Variants in PCDH10 observed in about 807,000 individuals in gnomAD.
The protein encoded by PCDH10 is protocadherin-10.
A neutral mutation model predicts 74.4 loss-of-function variants in PCDH10; 15 were observed. The ratio of observed to expected loss-of-function variants is 0.20; its 90% CI spans 0.13 to 0.31. PCDH10 has a LOEUF of 0.31. Among genes scored for constraint, PCDH10 ranks in the 10% least tolerant of loss-of-function variants. The probability of loss-of-function intolerance (pLI) is 1.00; values close to 1 mark genes in which losing one functional copy is unlikely to be tolerated. For synonymous variants in PCDH10, 619 were observed against 589.8 expected, an observed-to-expected ratio of 1.05 and a Z score of -0.72; for missense variants, 1,260 against 1,390.2, an observed-to-expected ratio of 0.91 and a Z score of 1.49.
intron 4 of PCDH10, among the ~76,000 whole-genome samples, chr4:133,169,546 C>T (rs1174133861): frequency 6.6e-6 from 1 of 151,824 alleles, no homozygotes; most frequent in Non-Finnish European, 1.5e-5. Context: ...TTTTCATCCT[C>T]TTTCTTATTT....
chr4:133,167,730 T>G (rs1727116764), intron 4 of PCDH10, among the ~76,000 whole-genome samples: 1 of 151,586 alleles, frequency 6.6e-6, no homozygotes, highest in African/African-American at 2.4e-5. Context: ...TTTATATACA[T>G]ACAGATTGGT....
rs185654672 is a variant in PCDH10 at position 133,190,169 on chromosome 4, A to G, written c.*9A>G. 2.7e-5 allele frequency: 43 copies of G among 1,609,978 alleles called. No individual in the cohort carries two copies. In the East Asian group the frequency reaches 4.2e-4, roughly 16 times the overall value. On this transcript the variant is annotated 3_prime_UTR_variant, in exon 5 of 5. Coordinates refer to ENST00000264360, the MANE Select transcript of PCDH10 (RefSeq NM_032961.3). ...GGAAAAGGATATGCTAGTCAATTCT[A>G]CAGGACTTACCTGAAGCAGCATGAT...
At chr4:133,163,885 G>T (rs1170853358) in intron 4 of PCDH10, 2 of 438,742 alleles carry the variant, frequency 4.6e-6, no homozygotes, top group Admixed American at 5.3e-5. Context: ...AAAACTTAAA[G>T]GAAAAAAACA....
chr4:133,163,476 A>T (rs937625508), intron 4 of PCDH10, among the ~76,000 whole-genome samples, 194 bp downstream of exon 4: 7 of 152,150 alleles, frequency 4.6e-5, no homozygotes, highest in Non-Finnish European at 8.8e-5. Flanking sequence ...AGACATTAAT[A>T]ATTGCACTGA....
In PCDH10 at chr4:133,191,541, T is replaced by C. The variant is rs1278956441; in HGVS notation, c.*1381T>C. ...AAGTTAAGCTTGCCTTTTACTTTTA[T>C]GTCAACAATATTAATTATTAAATTT... On this transcript the variant is annotated 3_prime_UTR_variant, in exon 5 of 5. Coordinates refer to ENST00000264360, the MANE Select transcript of PCDH10 (RefSeq NM_032961.3). 1.3e-5 allele frequency: 2 copies of C among 152,196 alleles called. No homozygotes were observed. The highest frequency in any genetic ancestry group is 2.4e-5 in the African/African-American group (1 of 41,422). 9.4% of individuals were successfully genotyped at this position (152,196 alleles called of 1,614,324 possible). A position where few individuals can be genotyped will look rare whatever the true frequency, so the allele number is the denominator to read the frequency against.
rs1171674600 is a variant in PCDH10, at chr4:133,192,812, C to T, written c.*2652C>T. On this transcript the variant is annotated 3_prime_UTR_variant, in exon 5 of 5. Transcript: ENST00000264360. The stretch of plus-strand genomic sequence containing the variant: ...TGTAAGTTGGTTAAAATGTTTTCTT[C>T]CAATGAGGGGGACTATAAAATGGAA... 6.6e-6 allele frequency: 1 copy of T among 151,406 alleles called. No homozygotes were observed. The highest frequency in any genetic ancestry group is 2.4e-5 in the African/African-American group (1 of 41,334). The allele number at this position is 151,406 out of a possible 1,614,324, so 9.4% of individuals were successfully genotyped here.
chr4:133,163,402 C>T (rs988569015), intron 4 of PCDH10, 120 bp downstream of exon 4: 69 of 836,374 alleles, frequency 8.2e-5, no homozygotes, highest in Middle Eastern at 3.6e-4. Flanking sequence ...ATAAAAGTGA[C>T]TGGATGCTGG....
At chr4:133,173,522 G>C (rs146555456) in intron 4 of PCDH10, among the ~76,000 whole-genome samples, 1 of 151,894 alleles carries the variant, frequency 6.6e-6, no homozygotes, top group African/African-American at 2.4e-5. Context: ...GAAATATCAC[G>C]TTCTAGCTGT....
chr4:133,152,951 T>A, intron 1 of PCDH10, 180 bp downstream of exon 1: 2 of 1,451,546 alleles, frequency 1.4e-6, no homozygotes, highest in South Asian at 3.0e-5. Flanking sequence ...AACCTAACTT[T>A]CGCGTTGTTC....
Position 133,162,928 on chromosome 4 carries a change from G to C in PCDH10, c.2798-49G>C, listed in dbSNP as rs140448480. The C allele has an allele frequency of 2.2e-4, 316 of 1,465,582 alleles. 1 individual carries two copies. In the African/African-American group the frequency reaches 4.1e-3, roughly 19 times the overall value. The allele number at this position is 1,465,582 out of a possible 1,614,324, so 90.8% of individuals were successfully genotyped here. On this transcript the variant is annotated intron_variant, in intron 3 of 4. Transcript: ENST00000264360. ...TGTAATCTTACACTGCTAAGTAACT[G>C]GTCATGTTGGTGAAGACTACATCCG...
intron 4 of PCDH10, 102 bp from the exon 5 acceptor site, chr4:133,190,039 C>A: frequency 2.1e-6 from 2 of 946,788 alleles, no homozygotes; most frequent in Non-Finnish European, 3.4e-6. Flanking sequence ...TATGAGGGTA[C>A]AACTAGTTTC....
In PCDH10 at chr4:133,181,361, T is replaced by C. The variant is rs146175164; in HGVS notation, c.3104-8780T>C. The stretch of plus-strand genomic sequence containing the variant: ...ATGGAAATATATAGATAACTTATTA[T>C]ACAAACTCGTCCTATACTATAATTT... On this transcript the variant is annotated intron_variant, in intron 4 of 4. Coordinates refer to ENST00000264360, the MANE Select transcript of PCDH10 (RefSeq NM_032961.3). Among the ~76,000 whole-genome samples, 1,427 of 152,170 alleles carry C rather than the reference T, an allele frequency of 9.4e-3. 24 individuals carry two copies. Among genetic ancestry groups the C allele is most frequent in the African/African-American group, 0.032 (1,320 of 41,570 alleles).
intron 1 of PCDH10, 78 bp downstream of exon 1, chr4:133,152,849 T>A: frequency 6.3e-7 from 1 of 1,579,776 alleles, no homozygotes; most frequent in Non-Finnish European, 8.6e-7. Flanking sequence ...CTTGTATCTC[T>A]GGTGCACTGT....
chr4:133,173,467 T>G (rs1578569042), intron 4 of PCDH10, among the ~76,000 whole-genome samples: 1 of 152,002 alleles, frequency 6.6e-6, no homozygotes, highest in African/African-American at 2.4e-5. Flanking sequence ...ACATTTTACC[T>G]AGAAAGCTTT....
Position 133,157,132 on chromosome 4 carries a change from G to C in PCDH10, c.2797+2109G>C, listed in dbSNP as rs1196275024. Among the ~76,000 whole-genome samples, 5 of 152,138 alleles carry C rather than the reference G, an allele frequency of 3.3e-5. No individual in the cohort carries two copies. In the East Asian group the frequency reaches 5.8e-4, roughly 18 times the overall value. On this transcript the variant is annotated intron_variant, in intron 3 of 4. Coordinates refer to ENST00000264360, the MANE Select transcript of PCDH10 (RefSeq NM_032961.3). Reference sequence around the variant, plus strand: ...TTATGTATCTTATTAGTAGTTACACGGCAGCCACAACATACTGGGCACAAT... The same window carrying C: ...TTATGTATCTTATTAGTAGTTACACCGCAGCCACAACATACTGGGCACAAT...
intron 4 of PCDH10, among the ~76,000 whole-genome samples, chr4:133,168,918 T>G (rs565775646): frequency 6.6e-6 from 1 of 151,760 alleles, no homozygotes; most frequent in Non-Finnish European, 1.5e-5. Context: ...TAGCTACACC[T>G]ACAGATTTTT....
At chr4:133,173,160 G>A (rs1244270218) in intron 4 of PCDH10, among the ~76,000 whole-genome samples, 5 of 152,056 alleles carry the variant, frequency 3.3e-5, no homozygotes, top group Non-Finnish European at 7.4e-5. Context: ...TGTGGACTAT[G>A]ATGCTTAAAG....
Position 133,150,772 on chromosome 4 carries a change from GAGT to G in PCDH10, c.635_637del (p.Val212del). The G allele has an allele frequency of 1.3e-6, 2 of 1,577,978 alleles. No individual in the cohort carries two copies. Among genetic ancestry groups the G allele is most frequent in the African/African-American group, 1.4e-5 (1 of 73,968 alleles). On this transcript the variant is annotated inframe_deletion, in exon 1 of 5. Transcript: ENST00000264360. ...GCGGTGGACGGAGGAGGTGGGGGAGGAGTAGGAGAAGGAGGGGGAGGTGGCGGG... is the reference window on the plus strand; with the variant it reads ...GCGGTGGACGGAGGAGGTGGGGGAGGAGGAGAAGGAGGGGGAGGTGGCGGG...
In PCDH10 at chr4:133,150,567, T is replaced by C. The variant is rs749897580; in HGVS notation, c.427T>C (p.Leu143=). 2.5e-6 allele frequency: 4 copies of C among 1,613,384 alleles called. No homozygotes were observed. Among genetic ancestry groups the C allele is most frequent in the Admixed American group, 3.3e-5 (2 of 59,950 alleles). ...ESATPGTRFP[L]ESAFDPDVGT... is the part of the protein sequence containing the mutation. ...CGCCACGCCAGGCACTCGCTTCCCC[T>C]TGGAGAGCGCATTCGACCCAGACGT... is the stretch of plus-strand genomic sequence containing the variant. Residue 143 remains leucine, a synonymous_variant, in exon 1 of 5, where the codon TTG becomes CTG. Coordinates refer to ENST00000264360, the MANE Select transcript of PCDH10 (RefSeq NM_032961.3).
Sources: allele counts gnomAD v4.1 joint callset (sites outside exome capture counted in the v4.1 genomes callset), GRCh38; gene constraint gnomAD v4.1.1; transcripts MANE v1.5; gene names NCBI Gene and HGNC (gene_info 2026-07-23, HGNC 2026-07-21).